The following KHDRBS2 variants were observed in gnomAD, a reference collection of about 807,000 sequenced individuals.
The protein encoded by KHDRBS2 is KH RNA binding domain containing, signal transduction associated 2.
A neutral mutation model predicts 44.3 loss-of-function variants in KHDRBS2; 26 were observed. That is an observed-to-expected ratio of 0.59 (90% CI 0.43 to 0.81). The LOEUF is 0.81. Ranked by LOEUF, KHDRBS2 falls within the 40% of genes least tolerant of loss-of-function variation. KHDRBS2 has a pLI of 0.00. For missense variants in KHDRBS2, 476 were observed against 433.1 expected, an observed-to-expected ratio of 1.10 and a Z score of -0.88; for synonymous variants, 194 against 151.1, an observed-to-expected ratio of 1.28 and a Z score of -2.08.
intron 1 of KHDRBS2, among the ~76,000 whole-genome samples, chr6:62,214,788 T>A (rs1829695453): frequency 6.6e-6 from 1 of 151,978 alleles, no homozygotes; most frequent in African/African-American, 2.4e-5. Context: ...GGATGCTAAG[T>A]ACGTCTCACA....
At chr6:62,202,630 T>C (rs1827228217) in intron 1 of KHDRBS2, among the ~76,000 whole-genome samples, 5 of 152,060 alleles carry the variant, frequency 3.3e-5, no homozygotes, top group Admixed American at 2.6e-4. Context: ...AGATATGTTA[T>C]GGAAAAGGAA....
the KHDRBS2 span, among the ~76,000 whole-genome samples, chr6:61,582,897 T>C: frequency 6.6e-6 from 1 of 151,960 alleles, no homozygotes; most frequent in East Asian, 1.9e-4. Flanking sequence ...TTTTCAAATC[T>C]TTTCATAATG....
chr6:61,842,575 T>C (rs1423679334), intron 6 of KHDRBS2, among the ~76,000 whole-genome samples: 1 of 152,070 alleles, frequency 6.6e-6, no homozygotes, highest in Non-Finnish European at 1.5e-5. Flanking sequence ...AATACACACA[T>C]CAGATAGACA....
chr6:61,747,154 T>C (rs1360263093), intron 6 of KHDRBS2, among the ~76,000 whole-genome samples: 1 of 152,106 alleles, frequency 6.6e-6, no homozygotes, highest in Non-Finnish European at 1.5e-5. Context: ...TTTCTTTGTG[T>C]TTTATATTGC....
intron 6 of KHDRBS2, among the ~76,000 whole-genome samples, chr6:61,830,175 A>C (rs1464989552): frequency 6.6e-6 from 1 of 152,192 alleles, no homozygotes; most frequent in Non-Finnish European, 1.5e-5. Flanking sequence ...CAATACTGGA[A>C]AGTGGAGGAT....
intron 2 of KHDRBS2, among the ~76,000 whole-genome samples, chr6:62,115,692 T>G (rs1010910534): frequency 6.6e-6 from 1 of 152,152 alleles, no homozygotes; most frequent in Non-Finnish European, 1.5e-5. Flanking sequence ...GAGATCAAAT[T>G]TTGTGAGGCT....
the KHDRBS2 span, among the ~76,000 whole-genome samples, chr6:61,588,020 A>G: frequency 6.6e-6 from 1 of 152,216 alleles, no homozygotes. Flanking sequence ...ACAGATATTT[A>G]TGAACTGCAT....
chr6:61,768,806 T>G (rs1284449658), intron 6 of KHDRBS2, among the ~76,000 whole-genome samples: 1 of 152,128 alleles, frequency 6.6e-6, no homozygotes, highest in African/African-American at 2.4e-5. Context: ...TCCGATCATT[T>G]ACCTGATTTT....
intron 2 of KHDRBS2, among the ~76,000 whole-genome samples, chr6:62,053,010 AT>A (rs1222001406): frequency 7.0e-4 from 107 of 152,198 alleles, no homozygotes; most frequent in African/African-American, 2.2e-3. Context: ...ACCTAAAAAA[AT>A]AATGGGTAAC....
At chr6:61,844,200 C>T (rs116149345) in intron 6 of KHDRBS2, among the ~76,000 whole-genome samples, 1,968 of 152,168 alleles carry the variant, frequency 0.013, 47 homozygotes, top group African/African-American at 0.044. Flanking sequence ...TATATCATTA[C>T]CTTTCCCTGG....
At chr6:62,085,045 A>G (rs1419845963) in intron 2 of KHDRBS2, among the ~76,000 whole-genome samples, 2 of 152,180 alleles carry the variant, frequency 1.3e-5, no homozygotes, top group Admixed American at 6.5e-5. Context: ...TATCTGCACA[A>G]TAGTAAATTT....
intron 4 of KHDRBS2, 23 bp downstream of exon 4, chr6:61,978,043 T>A: frequency 6.4e-7 from 1 of 1,561,010 alleles, no homozygotes; most frequent in East Asian, 2.3e-5. Flanking sequence ...GAAACATCTT[T>A]GTAAAAAATG....
At chr6:61,816,860 T>C in intron 6 of KHDRBS2, 1 of 435,172 alleles carries the variant, frequency 2.3e-6, no homozygotes. Context: ...AATCTATGAG[T>C]GTTGTCCTAA....
the KHDRBS2 span, among the ~76,000 whole-genome samples, chr6:61,593,903 C>A: frequency 1.3e-5 from 2 of 152,092 alleles, no homozygotes; most frequent in African/African-American, 4.8e-5. Flanking sequence ...AGTCTATTGG[C>A]TTTATAAAGT....
chr6:62,143,006 T>C (rs1379310640), intron 2 of KHDRBS2, among the ~76,000 whole-genome samples: 1 of 151,898 alleles, frequency 6.6e-6, no homozygotes, highest in Non-Finnish European at 1.5e-5. Flanking sequence ...TTTAAGTTTG[T>C]ATAAAATATT....
rs1308457848 is a variant in KHDRBS2 at position 61,736,636 on chromosome 6, G to GCAGGGAGGTACAAGAAC, written c.811-3889_811-3873dup. Among the ~76,000 whole-genome samples the GCAGGGAGGTACAAGAAC allele has an allele frequency of 2.0e-5, 3 of 151,996 alleles. No individual in the cohort carries two copies. In the East Asian group the frequency reaches 5.8e-4, roughly 29 times the overall value. On this transcript the variant is annotated intron_variant, in intron 6 of 8. Transcript: ENST00000281156. The stretch of plus-strand genomic sequence containing the variant: ...TTTATTTTTGTGTTTCTGTTTCTGA[G>GCAGGGAGGTACAAGAAC]CAGGGAGGTACAAGAACCAGGGATG...
chr6:61,613,618 C>T, the KHDRBS2 span, among the ~76,000 whole-genome samples: 2 of 149,088 alleles, frequency 1.3e-5, no homozygotes, highest in Admixed American at 6.8e-5. Context: ...TACAATCTTG[C>T]TTTATTTGGC....
the KHDRBS2 span, among the ~76,000 whole-genome samples, chr6:61,569,140 C>A: frequency 3.0e-4 from 45 of 152,080 alleles, no homozygotes; most frequent in Non-Finnish European, 5.3e-4. Flanking sequence ...CTATCCCTCA[C>A]TTCCCTGGCA....
the KHDRBS2 span, among the ~76,000 whole-genome samples, chr6:61,573,883 C>A: frequency 2.9e-5 from 2 of 69,350 alleles, no homozygotes; most frequent in Non-Finnish European, 5.4e-5. Flanking sequence ...CATTACTCAA[C>A]TTCTAACTAT....
Sources: gnomAD v4.1 joint callset for allele counts (sites outside exome capture counted in the v4.1 genomes callset) on GRCh38, gnomAD v4.1.1 for gene constraint, MANE v1.5 for transcripts, NCBI Gene and HGNC (gene_info 2026-07-23, HGNC 2026-07-21) for gene names.